Variants in ZNF445 observed in about 807,000 individuals in gnomAD.
ZNF445 encodes zinc finger protein 168.
Under a neutral mutation model 93.9 loss-of-function variants are expected in ZNF445, and 19 were observed. That is an observed-to-expected ratio of 0.20 (90% CI 0.14 to 0.30). The LOEUF (loss-of-function observed/expected upper bound fraction) is 0.30. Ranked by LOEUF, ZNF445 falls within the 10% of genes least tolerant of loss-of-function variation. ZNF445 has a pLI of 1.00. For missense variants in ZNF445, 1,058 were observed against 1,259.4 expected (o/e 0.84, Z 2.42); for synonymous variants, 449 against 446.3 (o/e 1.01, Z -0.08).
rs556600755 is a variant in ZNF445, at chr3:44,436,434, T to C, written c.*10141A>G. 4.6e-5 allele frequency: 7 copies of C among 152,220 alleles called. No homozygotes were observed. Among genetic ancestry groups the C allele is most frequent in the Non-Finnish European group, 1.0e-4 (7 of 68,044 alleles). The allele number at this position is 152,220 out of a possible 1,614,324, so 9.4% of individuals were successfully genotyped here. A position where few individuals can be genotyped will look rare whatever the true frequency, so the allele number is the denominator to read the frequency against. Reference sequence around the variant, plus strand: ...TCAGGGAGCATTTCCCACTGTAATGTGGCCTGTATAGAATATCTGGCACTC... The same window carrying C: ...TCAGGGAGCATTTCCCACTGTAATGCGGCCTGTATAGAATATCTGGCACTC... On this transcript the variant is annotated 3_prime_UTR_variant, in exon 8 of 8. Transcript: ENST00000396077.
intron 3 of ZNF445, among the ~76,000 whole-genome samples, chr3:44,452,076 G>A (rs547422837): frequency 1.8e-3 from 276 of 152,278 alleles, no homozygotes; most frequent in African/African-American, 6.2e-3. Context: ...TGTAAAAAAT[G>A]GCAGTGTCCA....
At chr3:44,471,197 T>C (rs1698264233) in intron 1 of ZNF445, among the ~76,000 whole-genome samples, 1 of 152,208 alleles carries the variant, frequency 6.6e-6, no homozygotes, top group Admixed American at 6.5e-5. Context: ...CTTGGTTCAG[T>C]CTAGAGAGCA....
At position 44,437,836 on chromosome 3, in the gene ZNF445, T is replaced by C. The variant is rs1344883111; in HGVS notation, c.*8739A>G. 6.6e-6 allele frequency: 1 copy of C among 152,206 alleles called. No homozygotes were observed. Among genetic ancestry groups the C allele is most frequent in the East Asian group, 1.9e-4 (1 of 5,190 alleles). The allele number at this position is 152,206 out of a possible 1,614,324, so 9.4% of individuals were successfully genotyped here. A position where few individuals can be genotyped will look rare whatever the true frequency, so the allele number is the denominator to read the frequency against. On this transcript the variant is annotated 3_prime_UTR_variant, in exon 8 of 8. Coordinates refer to ENST00000396077, the MANE Select transcript of ZNF445 (RefSeq NM_181489.6). ...CAAAGGTAGCCGTTGGGTCAACGTT[T>C]CTGCACTATAGTCCCTTCTGTGGTC...
chr3:44,455,225 C>A lies in ZNF445; in HGVS notation c.325G>T (p.Gly109Trp), dbSNP rs1698012172. 9 of 1,614,232 alleles carry A rather than the reference C, an allele frequency of 5.6e-6. No individual in the cohort carries two copies. The highest frequency in any genetic ancestry group is 5.9e-6 in the Non-Finnish European group (7 of 1,180,038). The change falls in exon 3 of 8, where the codon GGG becomes TGG. Residue 109 changes from glycine to tryptophan, a missense_variant. Gly to Trp is a radical substitution (Grantham distance 184). Around this residue, in one of 3 missense-constraint regions of ZNF445, gnomAD observed 657 missense variants for 746.4 expected, o/e 0.88. Transcript: ENST00000396077. ...AGCTGCACCCAAACCCGGAGCTCCCCAGGCAGGATGCTCAGGAACTGTTCC... is the reference window on the plus strand; with the variant it reads ...AGCTGCACCCAAACCCGGAGCTCCCAAGGCAGGATGCTCAGGAACTGTTCC... ...VLEQFLSILPGELRVWVQLHN... is the reference protein window; with the variant it reads ...VLEQFLSILPWELRVWVQLHN...
intron 3 of ZNF445, among the ~76,000 whole-genome samples, chr3:44,454,083 C>T (rs1199039186): frequency 1.3e-5 from 2 of 151,756 alleles, no homozygotes; most frequent in African/African-American, 2.4e-5. Flanking sequence ...GAGGCCAAGG[C>T]GGATGGATCA....
In ZNF445 at chr3:44,448,406, C is replaced by T. The variant is rs761998274; in HGVS notation, c.1265G>A (p.Arg422Lys). 2.5e-6 allele frequency: 4 copies of T among 1,614,128 alleles called. No individual in the cohort carries two copies. The highest frequency in any genetic ancestry group is 1.7e-5 in the Admixed American group (1 of 60,008). ...GTAGTCATAGTGGTGTGAACTCATT[C>T]TGAAGTGTTTGCCACAGCCATGTTT... ...SLKHGCGKHF[R>K]MSSHHYDYKK... is the part of the protein sequence containing the mutation. Residue 422 changes from arginine (R) to lysine (K), a missense_variant, in exon 8 of 8, where the codon AGA (arginine) becomes AAA (lysine). Arg to Lys is a conservative substitution (Grantham distance 26). Transcript: ENST00000396077.
chr3:44,446,955 T>C lies in ZNF445; in HGVS notation c.2716A>G (p.Ile906Val). Reference sequence around the variant, plus strand: ...TGACTGGAAAGGGTATGTCTCCCAATGAACTCTTTCCCACACCACTGACAT... The same window carrying C: ...TGACTGGAAAGGGTATGTCTCCCAACGAACTCTTTCCCACACCACTGACAT... The part of the protein sequence containing the change: ...FKCQWCGKEF[I>V]GRHTLSSHQR... Residue 906 changes from isoleucine (I) to valine (V), a missense_variant, in exon 8 of 8, where the codon ATT becomes GTT. Ile to Val is a conservative substitution (Grantham distance 29, BLOSUM62 3). Coordinates refer to ENST00000396077, the MANE Select transcript of ZNF445 (RefSeq NM_181489.6). This position sits in a 1 kb window ranked among gnomAD's most constrained non-coding sequence, Gnocchi z 4.2. The C allele has an allele frequency of 6.2e-7, 1 of 1,614,202 alleles. No homozygotes were observed. The highest frequency in any genetic ancestry group is 8.5e-7 in the Non-Finnish European group (1 of 1,180,028).
intron 3 of ZNF445, among the ~76,000 whole-genome samples, chr3:44,454,592 C>T (rs2125680595): frequency 6.6e-6 from 1 of 152,258 alleles, no homozygotes; most frequent in Non-Finnish European, 1.5e-5. Flanking sequence ...CATGCTACCA[C>T]ATTCAGCTAA....
At chr3:44,454,987 G>T in intron 3 of ZNF445, 134 bp downstream of exon 3, 2 of 1,122,456 alleles carry the variant, frequency 1.8e-6, no homozygotes, top group Non-Finnish European at 2.6e-6. Context: ...AGCTGCTCAG[G>T]TACCATGGGA....
At chr3:44,461,138 G>A (rs1047823204) in intron 1 of ZNF445, among the ~76,000 whole-genome samples, 2 of 152,166 alleles carry the variant, frequency 1.3e-5, no homozygotes, top group African/African-American at 4.8e-5. Context: ...TATCCTAGGC[G>A]CTGCCAATGC....
intron 4 of ZNF445, among the ~76,000 whole-genome samples, 153 bp downstream of exon 4, chr3:44,451,161 A>G (rs971135050): frequency 1.3e-5 from 2 of 152,192 alleles, no homozygotes; most frequent in Non-Finnish European, 2.9e-5. Flanking sequence ...GGAGCAAGCC[A>G]CATATAGGTT....
intron 7 of ZNF445, among the ~76,000 whole-genome samples, chr3:44,449,038 T>C (rs1697920183): frequency 1.3e-5 from 2 of 152,222 alleles, no homozygotes; most frequent in South Asian, 4.1e-4. Context: ...CATGGCATTA[T>C]AGAAAGGTAC....
At chr3:44,470,685 T>C (rs1187784215) in intron 1 of ZNF445, among the ~76,000 whole-genome samples, 1 of 152,242 alleles carries the variant, frequency 6.6e-6, no homozygotes, top group Non-Finnish European at 1.5e-5. Context: ...GGAGGTGGGA[T>C]GAAAGGGCTC....
chr3:44,466,398 C>T (rs1458037135), intron 1 of ZNF445, among the ~76,000 whole-genome samples: 16 of 152,148 alleles, frequency 1.1e-4, no homozygotes, highest in Admixed American at 9.8e-4. Context: ...AAAAATCATA[C>T]AGGAAGCATT....
At position 44,464,438 on chromosome 3, in the gene ZNF445, T is replaced by C. The variant is rs965917015; in HGVS notation, c.-268-6074A>G. ...GTTGTATGTTTATATACAAAAGAGC[T>C]CTGATTGGCTTAGGAAAGTAAACGT... On this transcript the variant is annotated intron_variant, in intron 1 of 7. Coordinates refer to ENST00000396077, the MANE Select transcript of ZNF445 (RefSeq NM_181489.6). Among the ~76,000 whole-genome samples the C allele has an allele frequency of 1.7e-4, 26 of 152,238 alleles. 1 individual carries two copies. The highest frequency in any genetic ancestry group is 2.9e-5 in the Non-Finnish European group (2 of 68,042).
intron 1 of ZNF445, among the ~76,000 whole-genome samples, chr3:44,464,287 GC>G (rs1698162346): frequency 6.6e-6 from 1 of 152,260 alleles, no homozygotes; most frequent in Non-Finnish European, 1.5e-5. Context: ...TGCTTATGTG[GC>G]CCTAGAAATA....
At position 44,446,395 on chromosome 3, in the gene ZNF445, T is replaced by C. The variant is rs1325509206; in HGVS notation, c.*180A>G. 4 of 845,074 alleles carry C rather than the reference T, an allele frequency of 4.7e-6. No homozygotes were observed. The African/African-American group carries it at 6.9e-5, about 14-fold the overall frequency. 52.3% of individuals were successfully genotyped at this position (845,074 alleles called of 1,614,324 possible). On this transcript the variant is annotated 3_prime_UTR_variant, in exon 8 of 8. Coordinates refer to ENST00000396077, the MANE Select transcript of ZNF445 (RefSeq NM_181489.6). The surrounding 1 kb of genome is among the most constrained non-coding windows in gnomAD (Gnocchi z 4.2). ...GACATGGTGCTGCACTTCCCCAGCG[T>C]CACATCCTAGCAGGCAGGCTGGGGA...
At chr3:44,462,724 G>A (rs1412618397) in intron 1 of ZNF445, among the ~76,000 whole-genome samples, 3 of 151,852 alleles carry the variant, frequency 2.0e-5, no homozygotes, top group African/African-American at 7.3e-5. Flanking sequence ...TGAGACACCT[G>A]TGTGTCCATG....
In ZNF445 at chr3:44,441,588, G is replaced by A. The variant is rs573785123; in HGVS notation, c.*4987C>T. On this transcript the variant is annotated 3_prime_UTR_variant, in exon 8 of 8. Transcript: ENST00000396077. ...TGAAAGATTAGGTGGCTCACTCTAA[G>A]TAACATCATGTACCTGGCAGGGATT... 8.5e-5 allele frequency: 13 copies of A among 152,298 alleles called. No homozygotes were observed. Among genetic ancestry groups the A allele is most frequent in the African/African-American group, 2.9e-4 (12 of 41,568 alleles). 9.4% of individuals were successfully genotyped at this position (152,298 alleles called of 1,614,324 possible). A position where few individuals can be genotyped will look rare whatever the true frequency, so the allele number is the denominator to read the frequency against.
Sources: gnomAD v4.1 joint callset for allele counts (sites outside exome capture counted in the v4.1 genomes callset) on GRCh38, gnomAD v4.1.1 for gene constraint, gnomAD v4.1.1 regional missense constraint, Gnocchi (gnomAD v3.1) non-coding constraint, MANE v1.5 for transcripts, NCBI Gene and HGNC (gene_info 2026-07-23, HGNC 2026-07-21) for gene names.